Variants in TOLLIP observed in about 807,000 individuals in gnomAD.
The protein encoded by TOLLIP is toll interacting protein, also known as toll-interacting protein.
In TOLLIP, 16 loss-of-function variants were observed where a neutral mutation model predicts 33.5. That is an observed-to-expected ratio of 0.48 (90% CI 0.32 to 0.72). The LOEUF (loss-of-function observed/expected upper bound fraction) is 0.72. Ranked by LOEUF, TOLLIP falls within the 30% of genes least tolerant of loss-of-function variation. TOLLIP has a pLI of 0.03. For synonymous variants in TOLLIP, 176 were observed against 163.7 expected (o/e 1.07, Z -0.57); for missense variants, 325 against 396.6 (o/e 0.82, Z 1.53).
rs1564960773 is a variant in TOLLIP, at chr11:1,275,788, T to C, written c.*1251A>G. ...TAAAATGTAAGCACTAACTTCCTCC[T>C]TCTGCATCTTCCACAGAAGACCCAC... On this transcript the variant is annotated 3_prime_UTR_variant, in exon 6 of 6. Coordinates refer to ENST00000317204, the MANE Select transcript of TOLLIP (RefSeq NM_019009.4). 6.6e-6 allele frequency: 1 copy of C among 152,220 alleles called. No individual in the cohort carries two copies. The highest frequency in any genetic ancestry group is 1.5e-5 in the Non-Finnish European group (1 of 68,036). 9.4% of individuals were successfully genotyped at this position (152,220 alleles called of 1,614,324 possible).
intron 1 of TOLLIP, among the ~76,000 whole-genome samples, chr11:1,307,928 C>T (rs180879083): frequency 3.3e-5 from 5 of 152,300 alleles, no homozygotes; most frequent in African/African-American, 9.6e-5. Flanking sequence ...ATTATCTCCT[C>T]GGGAGAAACA....
At position 1,278,111 on chromosome 11, in the gene TOLLIP, G is replaced by A. The variant is rs1053896424; in HGVS notation, c.611-858C>T. 6.6e-6 allele frequency among the ~76,000 whole-genome samples: 1 copy of A among 152,162 alleles called. No individual in the cohort carries two copies. Among genetic ancestry groups the A allele is most frequent in the African/African-American group, 2.4e-5 (1 of 41,432 alleles). On this transcript the variant is annotated intron_variant, in intron 5 of 5. Transcript: ENST00000317204. The surrounding 1 kb of genome is among the most constrained non-coding windows in gnomAD (Gnocchi z 4.7). Reference sequence around the variant, plus strand: ...ACACCCCTGAAGGCACCGTGTGGCCGGACTTAAGACTCGCCTCCCAGCCTG... The same window carrying A: ...ACACCCCTGAAGGCACCGTGTGGCCAGACTTAAGACTCGCCTCCCAGCCTG...
chr11:1,302,803 G>T (rs1184651192), intron 1 of TOLLIP: 45 of 985,400 alleles, frequency 4.6e-5, no homozygotes, highest in Non-Finnish European at 5.4e-5. Flanking sequence ...ACGGGCAGTG[G>T]TGACTTTGTC....
At chr11:1,279,150 G>A (rs1863408914) in intron 5 of TOLLIP, among the ~76,000 whole-genome samples, 2 of 152,260 alleles carry the variant, frequency 1.3e-5, no homozygotes, top group South Asian at 4.1e-4. Context: ...ACGGCCTGGG[G>A]TGTCCCGAGA....
rs576817740 is a variant in TOLLIP at position 1,301,363 on chromosome 11, C to A, written c.34-5569G>T. 3.7e-4 allele frequency among the ~76,000 whole-genome samples: 56 copies of A among 152,360 alleles called. 1 individual carries two copies. In the South Asian group the frequency reaches 0.011, roughly 29 times the overall value. On this transcript the variant is annotated intron_variant, in intron 1 of 5. Transcript: ENST00000317204. ...TCCAAGCCAGAGTCTCACACCAGCACTGAGGATCCCACACAAACGGCATCC... is the reference window on the plus strand; with the variant it reads ...TCCAAGCCAGAGTCTCACACCAGCAATGAGGATCCCACACAAACGGCATCC...
At chr11:1,307,780 G>T (rs1421554166) in intron 1 of TOLLIP, among the ~76,000 whole-genome samples, 1 of 152,210 alleles carries the variant, frequency 6.6e-6, no homozygotes, top group East Asian at 1.9e-4. Flanking sequence ...AGGCCGTCCA[G>T]GACCTCTGCC....
chr11:1,302,772 G>A (rs1864320702), intron 1 of TOLLIP: 3 of 985,474 alleles, frequency 3.0e-6, no homozygotes, highest in Admixed American at 6.1e-5. Context: ...TCTTGGCAAG[G>A]CAGCTCCCAC....
In TOLLIP at chr11:1,295,736, CGCT is replaced by C. The variant is rs765073678; in HGVS notation, c.89_91del (p.Gln30del). 49 of 1,609,758 alleles carry C rather than the reference CGCT, an allele frequency of 3.0e-5. No individual in the cohort carries two copies. The highest frequency in any genetic ancestry group is 4.1e-5 in the Non-Finnish European group (48 of 1,178,328). On this transcript the variant is annotated inframe_deletion, in exon 2 of 6. Transcript: ENST00000317204. ...CGCCTGGGCGTCCAGCTGGACCTGC[CGCT>C]GCTGCTGTGTGGGCGTGATGCGGAG...
Position 1,287,703 on chromosome 11 carries a change from G to C in TOLLIP, c.519+921C>G, listed in dbSNP as rs554790585. On this transcript the variant is annotated intron_variant, in intron 4 of 5. Coordinates refer to ENST00000317204, the MANE Select transcript of TOLLIP (RefSeq NM_019009.4). Reference sequence around the variant, plus strand: ...TCCCCGCCGCAGCCTCCCCGCCGCAGCCTCCCCGCTGCACCCTCTCTGCCG... The same window carrying C: ...TCCCCGCCGCAGCCTCCCCGCCGCACCCTCCCCGCTGCACCCTCTCTGCCG... 9.0e-3 allele frequency among the ~76,000 whole-genome samples: 3 copies of C among 334 alleles called. 1 individual carries two copies. The highest frequency in any genetic ancestry group is 0.042 in the Admixed American group (1 of 24). The allele number at this position is 334 out of a possible 152,430, so 0.2% of individuals were successfully genotyped here. A position where few individuals can be genotyped will look rare whatever the true frequency, so the allele number is the denominator to read the frequency against.
chr11:1,298,690 G>A (rs1206177702), intron 1 of TOLLIP: 1 of 152,280 alleles, frequency 6.6e-6, no homozygotes, highest in African/African-American at 2.4e-5. Context: ...GATAGAACAC[G>A]AAAAGGGGAG....
intron 1 of TOLLIP, chr11:1,302,483 T>A: frequency 7.5e-6 from 6 of 802,278 alleles, no homozygotes; most frequent in Non-Finnish European, 9.1e-6. Context: ...TTTTCCAAAA[T>A]AAGGCTAGAA....
intron 4 of TOLLIP, 90 bp from the exon 5 acceptor site, chr11:1,286,182 C>G (rs1863687187): frequency 2.0e-6 from 2 of 987,508 alleles, no homozygotes; most frequent in East Asian, 5.3e-5. Flanking sequence ...TTGCCCTCCC[C>G]ACGCCAGCCC....
chr11:1,304,848 TA>T (rs1288134030), intron 1 of TOLLIP, among the ~76,000 whole-genome samples: 2 of 152,164 alleles, frequency 1.3e-5, no homozygotes, highest in Admixed American at 6.5e-5. Flanking sequence ...AGAAAACATG[TA>T]AAAAATCTGT....
chr11:1,283,893 C>G (rs183814747), intron 5 of TOLLIP, among the ~76,000 whole-genome samples: 3 of 152,224 alleles, frequency 2.0e-5, no homozygotes, highest in Non-Finnish European at 4.4e-5. Flanking sequence ...TACGGGGCTT[C>G]GACTTCCAGC....
At chr11:1,308,852 G>GC (rs1864495220) in intron 1 of TOLLIP, among the ~76,000 whole-genome samples, 1 of 151,402 alleles carries the variant, frequency 6.6e-6, no homozygotes, top group African/African-American at 2.4e-5. Context: ...CACCTGGGGG[G>GC]CCATCAGGGT....
chr11:1,304,538 G>A (rs919162984), intron 1 of TOLLIP, among the ~76,000 whole-genome samples: 12 of 152,246 alleles, frequency 7.9e-5, no homozygotes, highest in African/African-American at 2.9e-4. Context: ...CAGCACCCGC[G>A]CCAGGACGGG....
At position 1,303,538 on chromosome 11, in the gene TOLLIP, G is replaced by A. The variant is rs1338694025; in HGVS notation, c.33+5928C>T. 1.3e-5 allele frequency among the ~76,000 whole-genome samples: 2 copies of A among 152,232 alleles called. No individual in the cohort carries two copies. Among genetic ancestry groups the A allele is most frequent in the African/African-American group, 4.8e-5 (2 of 41,466 alleles). ...ATGCTGTATGCTAACGGCAGGAGGC[G>A]CTGTGCAAAGAAACAGGGCAAGGCC... is the stretch of plus-strand genomic sequence containing the variant. On this transcript the variant is annotated intron_variant, in intron 1 of 5. Transcript: ENST00000317204. The surrounding 1 kb of genome is among the most constrained non-coding windows in gnomAD (Gnocchi z 4.2).
At chr11:1,287,392 GCTGCCTCC>G in intron 4 of TOLLIP, among the ~76,000 whole-genome samples, 1 of 106,314 alleles carries the variant, frequency 9.4e-6, no homozygotes, top group East Asian at 2.5e-4. Flanking sequence ...GCTCCCTGCT[GCTGCCTCC>G]CCGCCGCAGC....
intron 1 of TOLLIP, among the ~76,000 whole-genome samples, chr11:1,304,665 G>A (rs1864377391): frequency 6.6e-6 from 1 of 152,242 alleles, no homozygotes; most frequent in Admixed American, 6.5e-5. Context: ...ACTCCCTCAT[G>A]GCAGAAGCTG....
Sources: allele counts gnomAD v4.1 joint callset (sites outside exome capture counted in the v4.1 genomes callset), GRCh38; gene constraint gnomAD v4.1.1; non-coding constraint Gnocchi (gnomAD v3.1); transcripts MANE v1.5; gene names NCBI Gene and HGNC (gene_info 2026-07-23, HGNC 2026-07-21).